Variants in NT5C2 observed in about 807,000 individuals in gnomAD.
NT5C2 encodes cytosolic purine 5'-nucleotidase.
A neutral mutation model predicts 76.1 loss-of-function variants in NT5C2; 58 were observed. The ratio of observed to expected loss-of-function variants is 0.76; its 90% CI spans 0.62 to 0.95. The LOEUF is 0.95. Ranked by LOEUF, NT5C2 falls within the 40% of genes least tolerant of loss-of-function variation. The pLI is 0.00. For synonymous variants in NT5C2, 229 were observed against 237.4 expected (o/e 0.96, Z 0.32); for missense variants, 478 against 690.3 (o/e 0.69, Z 3.45).
intron 3 of NT5C2, chr10:103,146,130 G>GT: frequency 1.0e-6 from 1 of 985,326 alleles, no homozygotes; most frequent in African/African-American, 1.7e-5. Context: ...CCCTAGTATA[G>GT]TTTTTTTGTG....
rs138700206 is a variant in NT5C2 at position 103,135,664 on chromosome 10, T to C, written c.175+3742A>G. Among the ~76,000 whole-genome samples the C allele has an allele frequency of 4.0e-3, 607 of 152,128 alleles. 18 individuals carry two copies. In the East Asian group the frequency reaches 0.071, roughly 18 times the overall value. ...TTAGCCGGGCATAGTGGCAGGCACC[T>C]GTAATCCCAGCTACTCAGGAGGCTG... On this transcript the variant is annotated intron_variant, in intron 4 of 18. Coordinates refer to ENST00000404739, the MANE Select transcript of NT5C2 (RefSeq NM_001351169.2).
intron 18 of NT5C2, chr10:103,090,327 C>A (rs1349780005): frequency 2.6e-6 from 1 of 381,364 alleles, no homozygotes. Context: ...AATCAATCCT[C>A]CCACCTCAGC....
chr10:103,130,000 C>T (rs1321359536), intron 4 of NT5C2, among the ~76,000 whole-genome samples: 1 of 150,726 alleles, frequency 6.6e-6, no homozygotes, highest in Non-Finnish European at 1.5e-5. Flanking sequence ...CCCGGCCGCC[C>T]CTACTGGGAA....
intron 8 of NT5C2, chr10:103,100,706 G>T (rs2069378107): frequency 2.0e-6 from 1 of 505,564 alleles, no homozygotes; most frequent in Non-Finnish European, 3.8e-6. Context: ...AATGAGTTGG[G>T]GGGTTTTAGT....
rs112889811 is a variant in NT5C2, at chr10:103,170,770, G to A, written c.101+4088C>T. 2.6e-3 allele frequency among the ~76,000 whole-genome samples: 393 copies of A among 151,710 alleles called. 1 individual carries two copies. The highest frequency in any genetic ancestry group is 4.3e-3 in the Non-Finnish European group (293 of 67,926). ...TCAAACTCCTGAGCTCAAGGACTCCGCCTGGCTCGGCCTCCCAAAGTGTGT... is the reference window on the plus strand; with the variant it reads ...TCAAACTCCTGAGCTCAAGGACTCCACCTGGCTCGGCCTCCCAAAGTGTGT... On this transcript the variant is annotated intron_variant, in intron 3 of 18. Transcript: ENST00000404739.
chr10:103,120,430 GA>G (rs533788210), intron 4 of NT5C2, among the ~76,000 whole-genome samples: 232 of 152,266 alleles, frequency 1.5e-3, no homozygotes, highest in African/African-American at 5.1e-3. Flanking sequence ...TTAATATGCA[GA>G]ATGTGTAACT....
intron 4 of NT5C2, among the ~76,000 whole-genome samples, chr10:103,114,047 T>C (rs973737477): frequency 1.3e-5 from 2 of 152,228 alleles, no homozygotes; most frequent in African/African-American, 4.8e-5. Flanking sequence ...CCTGAGGGAA[T>C]GGGAGCCAAA....
At chr10:103,151,692 G>A (rs1291044260) in intron 3 of NT5C2, among the ~76,000 whole-genome samples, 1 of 151,836 alleles carries the variant, frequency 6.6e-6, no homozygotes, top group African/African-American at 2.4e-5. Flanking sequence ...TTACTATTAG[G>A]GAAATATTTC....
intron 4 of NT5C2, among the ~76,000 whole-genome samples, chr10:103,121,199 T>C (rs541455278): frequency 6.6e-6 from 1 of 152,256 alleles, no homozygotes; most frequent in South Asian, 2.1e-4. Context: ...TGGAAATGGA[T>C]AGTGGTGAGC....
At chr10:103,187,681 T>G (rs2092205909) in intron 1 of NT5C2, among the ~76,000 whole-genome samples, 1 of 151,624 alleles carries the variant, frequency 6.6e-6, no homozygotes, top group South Asian at 2.1e-4. Flanking sequence ...ATACAGAATG[T>G]TTGAGCTATT....
intron 3 of NT5C2, among the ~76,000 whole-genome samples, chr10:103,159,047 G>A (rs1212248783): frequency 6.6e-6 from 1 of 152,064 alleles, no homozygotes; most frequent in Non-Finnish European, 1.5e-5. Flanking sequence ...TCTATCAGTA[G>A]TAAGGAGATT....
At chr10:103,178,263 A>C (rs937020667) in intron 2 of NT5C2, among the ~76,000 whole-genome samples, 7 of 152,220 alleles carry the variant, frequency 4.6e-5, no homozygotes, top group Admixed American at 2.0e-4. Flanking sequence ...AAACTTGTAC[A>C]CAGACCAGGC....
intron 4 of NT5C2, among the ~76,000 whole-genome samples, chr10:103,120,877 CA>C (rs1215673215): frequency 6.6e-6 from 1 of 152,050 alleles, no homozygotes; most frequent in Admixed American, 6.6e-5. Context: ...TCATAATAGC[CA>C]AAAGGTGGAG....
intron 1 of NT5C2, among the ~76,000 whole-genome samples, chr10:103,192,644 T>C (rs1463968750): frequency 6.6e-6 from 1 of 152,254 alleles, no homozygotes; most frequent in African/African-American, 2.4e-5. Context: ...CACGGGCGTG[T>C]GGCAAACGAG....
intron 3 of NT5C2, among the ~76,000 whole-genome samples, chr10:103,154,881 C>T (rs1160208185): frequency 6.6e-6 from 1 of 152,168 alleles, no homozygotes; most frequent in Non-Finnish European, 1.5e-5. Flanking sequence ...GTGCCAACTT[C>T]CCATGGATTC....
intron 10 of NT5C2, chr10:103,098,354 G>T: frequency 4.0e-6 from 1 of 247,860 alleles, no homozygotes; most frequent in Non-Finnish European, 7.8e-6. Context: ...GTACTTTAAA[G>T]CTTTCCTCAT....
chr10:103,126,772 T>C (rs897527931), intron 4 of NT5C2, among the ~76,000 whole-genome samples: 16 of 152,226 alleles, frequency 1.1e-4, no homozygotes, highest in South Asian at 2.1e-4. Context: ...ACTTGAATAA[T>C]GCGGGTTTGA....
chr10:103,102,531 C>CT lies in NT5C2; in HGVS notation c.390-1206dup, dbSNP rs775499358. ...TGACTCTCAGAATTTTTTCTTTTTT[C>CT]TTTTTTTTTTTTTGAGACAGAGTCT... On this transcript the variant is annotated intron_variant, in intron 6 of 18. Transcript: ENST00000404739. Among the ~76,000 whole-genome samples the CT allele has an allele frequency of 4.2e-3, 611 of 143,850 alleles. 4 individuals carry two copies. The highest frequency in any genetic ancestry group is 9.1e-3 in the African/African-American group (359 of 39,416). The allele number at this position is 143,850 out of a possible 152,430, so 94.4% of individuals were successfully genotyped here.
chr10:103,111,503 T>C (rs1236474520), intron 4 of NT5C2, among the ~76,000 whole-genome samples: 1 of 152,230 alleles, frequency 6.6e-6, no homozygotes, highest in Admixed American at 6.5e-5. Context: ...GTTTTCAGGA[T>C]GAAAGTTGTG....
Sources: allele counts gnomAD v4.1 joint callset (sites outside exome capture counted in the v4.1 genomes callset), GRCh38; gene constraint gnomAD v4.1.1; transcripts MANE v1.5; gene names NCBI Gene and HGNC (gene_info 2026-07-23, HGNC 2026-07-21).